Variants in SNX10 observed in about 807,000 individuals in gnomAD.
SNX10 encodes sorting nexin-10.
A neutral mutation model predicts 28.5 loss-of-function variants in SNX10; 25 were observed. The ratio of observed to expected loss-of-function variants is 0.88; its 90% CI spans 0.64 to 1.22. The LOEUF is 1.22. Ranked by LOEUF, SNX10 falls within the 50% of genes most tolerant of loss-of-function variation. SNX10 has a pLI of 0.00. For missense variants in SNX10, 223 were observed against 242.6 expected, an observed-to-expected ratio of 0.92 and a Z score of 0.54; for synonymous variants, 62 against 81.4, an observed-to-expected ratio of 0.76 and a Z score of 1.28.
intron 1 of SNX10, among the ~76,000 whole-genome samples, chr7:26,326,456 C>G (rs190097275): frequency 1.3e-5 from 2 of 152,330 alleles, no homozygotes; most frequent in African/African-American, 4.8e-5. Context: ...CTTGCATCTT[C>G]TTGCCTCCCT....
At chr7:26,316,823 G>T (rs1366471051) in intron 1 of SNX10, among the ~76,000 whole-genome samples, 1 of 152,112 alleles carries the variant, frequency 6.6e-6, no homozygotes, top group Non-Finnish European at 1.5e-5. Flanking sequence ...ATTTTTGGGC[G>T]CTTTTTTTCT....
chr7:26,359,629 C>A (rs1325813588), intron 2 of SNX10, among the ~76,000 whole-genome samples: 2 of 151,780 alleles, frequency 1.3e-5, no homozygotes, highest in African/African-American at 4.8e-5. Context: ...TAAACTAAAC[C>A]TATTTAGTAA....
chr7:26,353,463 TG>T (rs1297206670), intron 2 of SNX10, among the ~76,000 whole-genome samples: 1 of 106,388 alleles, frequency 9.4e-6, no homozygotes, highest in African/African-American at 3.6e-5. Flanking sequence ...TTTTTTTTGG[TG>T]GGGAGACAGA....
At chr7:26,322,963 G>T (rs1386161786) in intron 1 of SNX10, among the ~76,000 whole-genome samples, 1 of 152,130 alleles carries the variant, frequency 6.6e-6, no homozygotes, top group East Asian at 1.9e-4. Flanking sequence ...AGATAAAATA[G>T]TGGACCGGGT....
intron 1 of SNX10, among the ~76,000 whole-genome samples, chr7:26,316,695 A>G (rs567915145): frequency 4.6e-5 from 7 of 152,310 alleles, no homozygotes; most frequent in Non-Finnish European, 1.0e-4. Flanking sequence ...AGATGAGGAT[A>G]CCGAGGCGCA....
rs894525107 is a variant in SNX10 at position 26,358,418 on chromosome 7, C to T, written c.25-2557C>T. 4.6e-5 allele frequency among the ~76,000 whole-genome samples: 7 copies of T among 151,812 alleles called. No homozygotes were observed. The East Asian group carries it at 7.7e-4, about 17-fold the overall frequency. Reference sequence around the variant, plus strand: ...AAGAAATGATGGTTGTCTCTTAATGCGCATGAAAAAAATAAAGAAATAGAG... The same window carrying T: ...AAGAAATGATGGTTGTCTCTTAATGTGCATGAAAAAAATAAAGAAATAGAG... On this transcript the variant is annotated intron_variant, in intron 2 of 6. Coordinates refer to ENST00000338523, the MANE Select transcript of SNX10 (RefSeq NM_013322.3).
intron 1 of SNX10, among the ~76,000 whole-genome samples, chr7:26,295,128 T>C (rs1786060732): frequency 6.6e-6 from 1 of 152,262 alleles, no homozygotes; most frequent in Non-Finnish European, 1.5e-5. Context: ...ATTTTTAAAA[T>C]CTTGTGCTAG....
intron 1 of SNX10, among the ~76,000 whole-genome samples, chr7:26,345,497 C>T (rs1281820043): frequency 2.0e-5 from 3 of 152,216 alleles, no homozygotes; most frequent in South Asian, 4.1e-4. Context: ...CTCGCTTGCC[C>T]CTTCCAGAGG....
At chr7:26,315,539 G>A (rs1787048236) in intron 1 of SNX10, among the ~76,000 whole-genome samples, 1 of 151,416 alleles carries the variant, frequency 6.6e-6, no homozygotes, top group Non-Finnish European at 1.5e-5. Context: ...CTGGTGGTGG[G>A]AGCCTGTAAT....
chr7:26,328,075 A>G, intron 1 of SNX10, among the ~76,000 whole-genome samples: 1 of 152,086 alleles, frequency 6.6e-6, no homozygotes, highest in East Asian at 1.9e-4. Context: ...ACCACTTGCT[A>G]AGTATGTTGG....
intron 1 of SNX10, among the ~76,000 whole-genome samples, chr7:26,336,261 G>A (rs527699685): frequency 1.3e-5 from 2 of 151,114 alleles, no homozygotes; most frequent in Non-Finnish European, 2.9e-5. Flanking sequence ...ATCTTTTGGC[G>A]AAATACAGAA....
At chr7:26,322,577 TA>T (rs1562795031) in intron 1 of SNX10, among the ~76,000 whole-genome samples, 1 of 151,852 alleles carries the variant, frequency 6.6e-6, no homozygotes, top group African/African-American at 2.4e-5. Flanking sequence ...TTTTTCTTTA[TA>T]TTTTTACAAA....
At chr7:26,363,889 GA>G (rs1322074795) in intron 3 of SNX10, among the ~76,000 whole-genome samples, 3 of 152,210 alleles carry the variant, frequency 2.0e-5, no homozygotes, top group African/African-American at 7.2e-5. Context: ...ACTGAAGTTT[GA>G]GTGACTTGCC....
intron 5 of SNX10, 89 bp from the exon 6 acceptor site, chr7:26,371,732 C>T: frequency 1.1e-6 from 1 of 883,830 alleles, no homozygotes; most frequent in South Asian, 1.6e-5. Context: ...AAATTACCTT[C>T]AGTGGTACTT....
chr7:26,354,509 C>T (rs1324654432), intron 2 of SNX10, among the ~76,000 whole-genome samples: 3 of 152,130 alleles, frequency 2.0e-5, no homozygotes, highest in Non-Finnish European at 4.4e-5. Context: ...AGCCAGTACA[C>T]TCAGCTAATT....
intron 1 of SNX10, among the ~76,000 whole-genome samples, chr7:26,321,518 C>T (rs756234195): frequency 2.0e-5 from 3 of 152,192 alleles, no homozygotes; most frequent in Non-Finnish European, 2.9e-5. Flanking sequence ...TTAATTTGGT[C>T]AGTGTTGAGC....
chr7:26,314,504 G>T (rs1199490268), intron 1 of SNX10, among the ~76,000 whole-genome samples: 1 of 152,174 alleles, frequency 6.6e-6, no homozygotes, highest in Non-Finnish European at 1.5e-5. Flanking sequence ...TATAATATGG[G>T]TCCTGTGTGG....
intron 5 of SNX10, among the ~76,000 whole-genome samples, chr7:26,366,371 A>G (rs1789288119): frequency 3.3e-5 from 5 of 152,208 alleles, no homozygotes; most frequent in Admixed American, 3.3e-4. Flanking sequence ...GAAAGATCCA[A>G]GATTATAAAT....
intron 1 of SNX10, among the ~76,000 whole-genome samples, chr7:26,293,581 T>C (rs927739620): frequency 1.3e-5 from 2 of 152,162 alleles, no homozygotes; most frequent in African/African-American, 4.8e-5. Flanking sequence ...AATACAAAAA[T>C]AAAATACATT....
Sources: allele counts gnomAD v4.1 joint callset (sites outside exome capture counted in the v4.1 genomes callset), GRCh38; gene constraint gnomAD v4.1.1; transcripts MANE v1.5; gene names NCBI Gene and HGNC (gene_info 2026-07-23, HGNC 2026-07-21).